ARSG: variants seen among roughly 807,000 people sequenced by gnomAD.
The protein encoded by ARSG is ASG.
Under a neutral mutation model 50.5 loss-of-function variants are expected in ARSG, and 37 were observed. The ratio of observed to expected loss-of-function variants is 0.73; its 90% CI spans 0.56 to 0.96. ARSG has a LOEUF of 0.96. Ranked by LOEUF, ARSG falls within the 50% of genes least tolerant of loss-of-function variation. The pLI, the probability that ARSG is intolerant of heterozygous loss-of-function variation, is 0.00. For missense variants in ARSG, 629 were observed against 675.3 expected, an observed-to-expected ratio of 0.93 and a Z score of 0.76; for synonymous variants, 225 against 254.6, an observed-to-expected ratio of 0.88 and a Z score of 1.11.
In ARSG at chr17:68,271,378, G is replaced by A. The variant is rs193189838; in HGVS notation, c.-552+11952G>A. 8 of 1,614,240 alleles carry A rather than the reference G, an allele frequency of 5.0e-6. No individual in the cohort carries two copies. The highest frequency in any genetic ancestry group is 1.6e-4 in the Middle Eastern group (1 of 6,062). The stretch of plus-strand genomic sequence containing the variant: ...CAGGACCTGCTGCATGTCGGCCTTC[G>A]GCTCCAGTTCCAGGTTAGTGTGAGT... On this transcript the variant is annotated intron_variant, in intron 1 of 11. Transcript: ENST00000448504. This position sits in a 1 kb window ranked among gnomAD's most constrained non-coding sequence, Gnocchi z 5.3.
chr17:68,428,963 TGATGACAACGAAGATGGGCGATG>T, the ARSG span: 1 of 1,570,542 alleles, frequency 6.4e-7, no homozygotes, highest in Non-Finnish European at 8.7e-7. Context: ...ACATAAACCG[TGATGACAACGAAGATGGGCGATG>T]GATTCGCTTC....
rs1209652760 is a variant in ARSG, at chr17:68,381,533, C to A, written c.983-3531C>A. Among the ~76,000 whole-genome samples the A allele has an allele frequency of 6.6e-6, 1 of 151,586 alleles. No individual in the cohort carries two copies. Among genetic ancestry groups the A allele is most frequent in the African/African-American group, 2.4e-5 (1 of 41,296 alleles). On this transcript the variant is annotated intron_variant, in intron 8 of 11. Coordinates refer to ENST00000621439, the MANE Select transcript of ARSG (RefSeq NM_001267727.2). This position sits in a 1 kb window ranked among gnomAD's most constrained non-coding sequence, Gnocchi z 4.1. ...GAAATTGAAAAGTGATTAGAAGTTT[C>A]ATTTATGGATTGTCTATTGTTCTTA...
intron 11 of ARSG, among the ~76,000 whole-genome samples, chr17:68,411,695 T>C (rs1208681608): frequency 1.8e-4 from 27 of 148,422 alleles, no homozygotes; most frequent in Non-Finnish European, 3.7e-4. Flanking sequence ...CTTTCTGTCT[T>C]GTTGATCTGT....
downstream of ARSG, chr17:68,426,283 GGCT>G: frequency 1.2e-6 from 1 of 862,202 alleles, no homozygotes; most frequent in South Asian, 1.5e-5. Context: ...GAAGCAAAGG[GGCT>G]GTCTGTCTTC....
In ARSG at chr17:68,307,469, C is replaced by G; in HGVS notation, c.-25C>G. 1.3e-6 allele frequency: 2 copies of G among 1,591,312 alleles called. No homozygotes were observed. Among genetic ancestry groups the G allele is most frequent in the Non-Finnish European group, 1.7e-6 (2 of 1,161,760 alleles). ...TAGTGGTGGCTGCCGTCGCTCCAGA[C>G]AATCGGAATCCTGCCTTCACCACCA... On this transcript the variant is annotated 5_prime_UTR_variant, in exon 2 of 12. Coordinates refer to ENST00000621439, the MANE Select transcript of ARSG (RefSeq NM_001267727.2).
chr17:68,329,531 C>T (rs1281235136), intron 2 of ARSG, among the ~76,000 whole-genome samples: 4 of 152,186 alleles, frequency 2.6e-5, no homozygotes, highest in Non-Finnish European at 1.5e-5. Flanking sequence ...CCAGGCCCCA[C>T]TGGCTGCCCC....
chr17:68,353,615 G>T (rs183296040), intron 5 of ARSG, among the ~76,000 whole-genome samples: 1 of 152,158 alleles, frequency 6.6e-6, no homozygotes. Context: ...ACCCACCGTG[G>T]CCTGCTGGGC....
chr17:68,314,914 T>A (rs2077013065), intron 2 of ARSG, among the ~76,000 whole-genome samples: 1 of 152,130 alleles, frequency 6.6e-6, no homozygotes, highest in African/African-American at 2.4e-5. Flanking sequence ...AGTGACAAAT[T>A]CCTGTTAATC....
intron 11 of ARSG, chr17:68,413,591 G>A (rs1319212946): frequency 1.3e-5 from 2 of 152,210 alleles, no homozygotes; most frequent in African/African-American, 4.8e-5. Context: ...TGCCCCCAGA[G>A]GTGGAGCCTA....
chr17:68,444,372 C>T, the ARSG span: 1 of 834,648 alleles, frequency 1.2e-6, no homozygotes, highest in Non-Finnish European at 2.0e-6. Context: ...CGAGATAAAC[C>T]TCACTAAGAC....
At chr17:68,277,555 A>G (rs1278001914) in intron 1 of ARSG, among the ~76,000 whole-genome samples, 1 of 152,066 alleles carries the variant, frequency 6.6e-6, no homozygotes, top group Non-Finnish European at 1.5e-5. Context: ...TCAGCCTCCC[A>G]AGTACTGAGG....
chr17:68,392,732 T>C (rs2081052853), intron 9 of ARSG, among the ~76,000 whole-genome samples: 1 of 152,200 alleles, frequency 6.6e-6, no homozygotes, highest in African/African-American at 2.4e-5. Context: ...ACTTCTGACC[T>C]CAGGTGATCC....
chr17:68,420,923 G>C (rs1362522217), downstream of ARSG: 1 of 162,462 alleles, frequency 6.2e-6, no homozygotes, highest in Non-Finnish European at 1.3e-5. Flanking sequence ...TTAGGGCAGA[G>C]CTTCTCTCTC....
intron 10 of ARSG, among the ~76,000 whole-genome samples, chr17:68,396,339 A>G (rs546367435): frequency 6.6e-6 from 1 of 152,236 alleles, no homozygotes; most frequent in East Asian, 1.9e-4. Flanking sequence ...TTGACCAAGC[A>G]GACCTTGGCA....
chr17:68,341,452 C>A (rs751209077), intron 2 of ARSG, among the ~76,000 whole-genome samples: 6 of 152,200 alleles, frequency 3.9e-5, no homozygotes, highest in Non-Finnish European at 8.8e-5. Flanking sequence ...CTGGTGTATC[C>A]TTTCAGTGTT....
At chr17:68,268,853 T>C in intron 1 of ARSG, 1 of 577,554 alleles carries the variant, frequency 1.7e-6, no homozygotes, top group East Asian at 3.6e-5. Context: ...GCCAGATTTA[T>C]ATATGGAAGA....
At chr17:68,278,157 C>T in intron 1 of ARSG, 1 of 1,614,132 alleles carries the variant, frequency 6.2e-7, no homozygotes, top group Non-Finnish European at 8.5e-7. Context: ...TTCATTAAAA[C>T]TGTCCATTAA....
At chr17:68,335,743 T>C (rs750594354) in intron 2 of ARSG, among the ~76,000 whole-genome samples, 7 of 151,934 alleles carry the variant, frequency 4.6e-5, no homozygotes, top group African/African-American at 9.7e-5. Context: ...TGCCAATGAA[T>C]GGAAGGTAGG....
At chr17:68,450,163 C>CAAA in the ARSG span, among the ~76,000 whole-genome samples, 48 of 151,902 alleles carry the variant, frequency 3.2e-4, no homozygotes, top group South Asian at 5.4e-3. Flanking sequence ...GAAAATGCTA[C>CAAA]AAAAAAAACA....
Sources: allele counts gnomAD v4.1 joint callset (sites outside exome capture counted in the v4.1 genomes callset), GRCh38; gene constraint gnomAD v4.1.1; non-coding constraint Gnocchi (gnomAD v3.1); transcripts MANE v1.5; gene names NCBI Gene and HGNC (gene_info 2026-07-23, HGNC 2026-07-21).